The following WDR27 variants were observed in gnomAD, a reference collection of about 807,000 sequenced individuals.
WDR27 encodes the protein WD repeat-containing protein 27.
WDR27 carries 100 observed loss-of-function variants against 114.4 expected under a neutral mutation model. The observed-to-expected ratio is 0.87, with a 90% CI of 0.74 to 1.03. The LOEUF is 1.03. Ranked by LOEUF, WDR27 falls within the 50% of genes least tolerant of loss-of-function variation. The probability of loss-of-function intolerance (pLI) is 0.00; values close to 1 mark genes in which losing one functional copy is unlikely to be tolerated. For synonymous variants in WDR27, 449 were observed against 423.1 expected, an observed-to-expected ratio of 1.06 and a Z score of -0.75; for missense variants, 1,129 against 1,092.9, an observed-to-expected ratio of 1.03 and a Z score of -0.47.
intron 25 of WDR27, among the ~76,000 whole-genome samples, chr6:169,555,513 TA>T (rs1798748827): frequency 3.9e-5 from 6 of 152,190 alleles, no homozygotes; most frequent in Admixed American, 3.9e-4. Context: ...TCATCATTTA[TA>T]TTTCTCACAA....
intron 25 of WDR27, among the ~76,000 whole-genome samples, chr6:169,499,457 C>T (rs776146339): frequency 6.6e-6 from 1 of 152,172 alleles, no homozygotes; most frequent in South Asian, 2.1e-4. Flanking sequence ...ATTAAACCTG[C>T]GCTAAATGTG....
At chr6:169,661,890 G>A (rs1378627581) in intron 9 of WDR27, among the ~76,000 whole-genome samples, 3 of 152,190 alleles carry the variant, frequency 2.0e-5, no homozygotes, top group Non-Finnish European at 4.4e-5. Flanking sequence ...TCCTTATGTT[G>A]CCAAATATGT....
chr6:169,645,043 A>AAAAAAAAAAAAAAAAAAAAAAAAAAG (rs1820276157), intron 16 of WDR27, among the ~76,000 whole-genome samples: 2 of 59,680 alleles, frequency 3.4e-5, no homozygotes, highest in Admixed American at 2.0e-4. Flanking sequence ...AAATAAAAAA[A>AAAAAAAAAAAAAAAAAAAAAAAAAAG]AAAAAAAAAA....
intron 25 of WDR27, among the ~76,000 whole-genome samples, chr6:169,538,263 T>C (rs1263773261): frequency 6.6e-6 from 1 of 152,224 alleles, no homozygotes; most frequent in Non-Finnish European, 1.5e-5. Flanking sequence ...ACACACATTC[T>C]CTGTAACATC....
Position 169,638,309 on chromosome 6 carries a change from C to G in WDR27, c.1869+230G>C, listed in dbSNP as rs552608672. ...CCGCAGTCCGACCTGGGCGACAGAGCGAGACTCCGTCTCAAAAAAAAAAAA... is the reference window on the plus strand; with the variant it reads ...CCGCAGTCCGACCTGGGCGACAGAGGGAGACTCCGTCTCAAAAAAAAAAAA... On this transcript the variant is annotated intron_variant, in intron 18 of 25. Coordinates refer to ENST00000448612, the MANE Select transcript of WDR27 (RefSeq NM_182552.5). Among the ~76,000 whole-genome samples the G allele has an allele frequency of 4.0e-3, 464 of 117,046 alleles. 23 individuals carry two copies. The highest frequency in any genetic ancestry group is 5.5e-3 in the Non-Finnish European group (340 of 61,844). The allele number at this position is 117,046 out of a possible 152,430, so 76.8% of individuals were successfully genotyped here. A position where few individuals can be genotyped will look rare whatever the true frequency, so the allele number is the denominator to read the frequency against.
Position 169,664,179 on chromosome 6 carries a change from C to T in WDR27, c.891G>A (p.Leu297=). The T allele has an allele frequency of 1.3e-6, 2 of 1,596,348 alleles. No individual in the cohort carries two copies. Among genetic ancestry groups the T allele is most frequent in the Non-Finnish European group, 1.7e-6 (2 of 1,171,038 alleles). The part of the protein sequence containing the change: ...TFSTRRVKSG[L]CSQPEESQLP... ...TGAGCAACCCACCTGGCTGGCTGCA[C>T]AGCCCAGACTTAACCCTTCTTGTGG... The change falls in exon 8 of 26, where the codon CTG becomes CTA. Residue 297 remains leucine (L), a synonymous_variant. Transcript: ENST00000448612.
At chr6:169,626,237 A>G (rs1814777515) in intron 21 of WDR27, among the ~76,000 whole-genome samples, 1 of 152,190 alleles carries the variant, frequency 6.6e-6, no homozygotes, top group South Asian at 2.1e-4. Context: ...CGGCAGCGCT[A>G]GGCCTCCCAC....
chr6:169,670,639 A>C lies in WDR27; in HGVS notation c.386T>G (p.Leu129Ter). The C allele has an allele frequency of 6.2e-7, 1 of 1,613,986 alleles. No homozygotes were observed. Among genetic ancestry groups the C allele is most frequent in the Non-Finnish European group, 8.5e-7 (1 of 1,179,890 alleles). Residue 129 changes from leucine to a stop codon, truncating the protein, a stop_gained, in exon 4 of 26, where the codon TTA (leucine) becomes TGA (stop). Transcript: ENST00000448612. LOFTEE classifies it high-confidence loss of function. ...AACATGATCATCCAGGCTCAACTGT[A>C]AACACAGCACCTTTCCCAAAAGCGA... ...MGSLLGKVLC[L>*]QLSLDDHVVA... is the part of the protein sequence containing the mutation.
At chr6:169,517,394 C>T (rs895234374) in intron 25 of WDR27, among the ~76,000 whole-genome samples, 2 of 152,138 alleles carry the variant, frequency 1.3e-5, no homozygotes, top group African/African-American at 4.8e-5. Flanking sequence ...ACAAGAACAG[C>T]CTACCACTGG....
chr6:169,578,523 T>G (rs1300271271), intron 24 of WDR27, among the ~76,000 whole-genome samples: 1 of 152,208 alleles, frequency 6.6e-6, no homozygotes, highest in East Asian at 1.9e-4. Context: ...TACAATTGTG[T>G]GCAGCACTTA....
At chr6:169,627,264 A>G (rs147798401) in intron 21 of WDR27, among the ~76,000 whole-genome samples, 25 of 152,312 alleles carry the variant, frequency 1.6e-4, no homozygotes, top group African/African-American at 6.0e-4. Flanking sequence ...AAATATAAAC[A>G]TCTTTTTAAA....
intron 7 of WDR27, 166 bp from the exon 8 acceptor site, chr6:169,664,452 G>A (rs1827202324): frequency 1.3e-6 from 2 of 1,484,052 alleles, no homozygotes; most frequent in Non-Finnish European, 8.9e-7. Context: ...CATCCCCTCT[G>A]GAGGCCCTCC....
chr6:169,499,944 C>T (rs1162743344), intron 25 of WDR27, among the ~76,000 whole-genome samples: 2 of 152,154 alleles, frequency 1.3e-5, no homozygotes, highest in African/African-American at 2.4e-5. Context: ...GAAGTCTGTC[C>T]GGGGGACCTG....
chr6:169,606,962 A>T (rs1357251551), intron 22 of WDR27, among the ~76,000 whole-genome samples: 1 of 152,210 alleles, frequency 6.6e-6, no homozygotes, highest in Non-Finnish European at 1.5e-5. Flanking sequence ...GAGGATATAC[A>T]AATGGCCAGC....
chr6:169,521,582 A>AATAATAGCT (rs1407783806), intron 25 of WDR27, among the ~76,000 whole-genome samples: 1 of 152,098 alleles, frequency 6.6e-6, no homozygotes, highest in East Asian at 1.9e-4. Context: ...TTTCAAAAAC[A>AATAATAGCT]ATAATAGCTA....
intron 20 of WDR27, 65 bp downstream of exon 20, chr6:169,634,363 A>T (rs1220478397): frequency 1.6e-6 from 2 of 1,217,452 alleles, no homozygotes; most frequent in Non-Finnish European, 2.4e-6. Flanking sequence ...TGCTCAGCAC[A>T]TGCCTCTGCC....
At chr6:169,650,674 CATCT>C (rs1477212368) in intron 14 of WDR27, among the ~76,000 whole-genome samples, 1 of 150,014 alleles carries the variant, frequency 6.7e-6, no homozygotes, top group African/African-American at 2.5e-5. Context: ...CCAACTCATC[CATCT>C]CTCATCTCTG....
Position 169,659,909 on chromosome 6 carries a change from C to G in WDR27, c.1130-391G>C, listed in dbSNP as rs1219362764. 1.3e-5 allele frequency among the ~76,000 whole-genome samples: 2 copies of G among 151,720 alleles called. No individual in the cohort carries two copies. The highest frequency in any genetic ancestry group is 4.8e-5 in the African/African-American group (2 of 41,270). On this transcript the variant is annotated intron_variant, in intron 10 of 25. Coordinates refer to ENST00000448612, the MANE Select transcript of WDR27 (RefSeq NM_182552.5). This position sits in a 1 kb window ranked among gnomAD's most constrained non-coding sequence, Gnocchi z 4.3. ...GCTGAGTTTTCAAGGAGAAGCTGCG[C>G]CTGGCTGAGCTGGGGAGGGGCAGGG...
chr6:169,587,890 G>T (rs1310697127), intron 23 of WDR27, among the ~76,000 whole-genome samples: 1 of 152,174 alleles, frequency 6.6e-6, no homozygotes, highest in Non-Finnish European at 1.5e-5. Context: ...TGAAATGGCA[G>T]CGACTGCCAG....
Sources: gnomAD v4.1 joint callset for allele counts (sites outside exome capture counted in the v4.1 genomes callset) on GRCh38, gnomAD v4.1.1 for gene constraint, Gnocchi (gnomAD v3.1) non-coding constraint, MANE v1.5 for transcripts, NCBI Gene and HGNC (gene_info 2026-07-23, HGNC 2026-07-21) for gene names.